Variants in NEBL observed in about 807,000 individuals in gnomAD.
The protein encoded by NEBL is LIM and SH3 protein 2.
In NEBL, 122 loss-of-function variants were observed where a neutral mutation model predicts 140.2. The ratio of observed to expected loss-of-function variants is 0.87; its 90% CI spans 0.75 to 1.01. NEBL has a LOEUF of 1.01. Ranked by LOEUF, NEBL falls within the 50% of genes least tolerant of loss-of-function variation. The pLI is 0.00. For missense variants in NEBL, 1,365 were observed against 1,231.3 expected (o/e 1.11, Z -1.62); for synonymous variants, 436 against 398.9 (o/e 1.09, Z -1.11).
chr10:21,004,387 G>A (rs989239491), intron 3 of NEBL, among the ~76,000 whole-genome samples: 3 of 152,146 alleles, frequency 2.0e-5, no homozygotes, highest in Non-Finnish European at 2.9e-5. Context: ...TTGGGACGAC[G>A]TTCTATGGAA....
At chr10:21,233,879 A>C (rs1389919474) in intron 3 of NEBL, among the ~76,000 whole-genome samples, 3 of 145,258 alleles carry the variant, frequency 2.1e-5, no homozygotes, top group African/African-American at 5.0e-5. Flanking sequence ...ATATATATGC[A>C]TATATAGATA....
intron 1 of NEBL, among the ~76,000 whole-genome samples, chr10:21,269,509 A>T (rs114718600): frequency 0.013 from 1,915 of 152,358 alleles, 45 homozygotes; most frequent in African/African-American, 0.044. Context: ...ATTCCAAAGC[A>T]GGCCAATTTG....
intron 1 of NEBL, among the ~76,000 whole-genome samples, chr10:21,270,578 G>C (rs1314797563): frequency 6.6e-6 from 1 of 152,092 alleles, no homozygotes; most frequent in Non-Finnish European, 1.5e-5. Context: ...ATGTTGGCCA[G>C]GCTGGTCTCG....
upstream of NEBL, among the ~76,000 whole-genome samples, chr10:20,898,352 C>A (rs1033899696): frequency 6.6e-6 from 1 of 151,740 alleles, no homozygotes; most frequent in Non-Finnish European, 1.5e-5. Flanking sequence ...ACTGATGATA[C>A]AAAATACAAA....
At chr10:20,922,461 A>C (rs1337821019) in intron 4 of NEBL, among the ~76,000 whole-genome samples, 1 of 152,210 alleles carries the variant, frequency 6.6e-6, no homozygotes, top group East Asian at 1.9e-4. Context: ...ACCAAAAAGC[A>C]AACTCATCCA....
At chr10:21,164,981 A>G (rs911966784) in intron 2 of NEBL, among the ~76,000 whole-genome samples, 3 of 152,256 alleles carry the variant, frequency 2.0e-5, no homozygotes, top group African/African-American at 7.2e-5. Context: ...ACATGCCACA[A>G]TATCCTTCCA....
chr10:20,796,367 G>GAAAAAAAAAAAAAAAAA (rs57844177), intron 26 of NEBL, among the ~76,000 whole-genome samples: 1 of 51,500 alleles, frequency 1.9e-5, no homozygotes, highest in South Asian at 8.5e-4. Flanking sequence ...TCTAAAACAA[G>GAAAAAAAAAAAAAAAAA]AAAAAAAAAA....
intron 4 of NEBL, among the ~76,000 whole-genome samples, chr10:20,946,611 G>T (rs1439720784): frequency 6.6e-6 from 1 of 152,042 alleles, no homozygotes; most frequent in Non-Finnish European, 1.5e-5. Flanking sequence ...ACAGGTGCAC[G>T]TCACCACACC....
chr10:20,807,697 C>A (rs1447294524), intron 26 of NEBL, among the ~76,000 whole-genome samples: 1 of 152,132 alleles, frequency 6.6e-6, no homozygotes, highest in African/African-American at 2.4e-5. Context: ...AACAATATGG[C>A]CTTTGAGTTG....
rs201168676 is a variant in NEBL, at chr10:20,953,728, C to CA, written c.357+7943dup. On this transcript the variant is annotated intron_variant, in intron 4 of 6. Coordinates refer to the NEBL transcript ENST00000417816. ...AAAGATCGTGTTTATCAAGCAGCAC[C>CA]AAAAAGAAAAGAATCATAAAATTGA... Among the ~76,000 whole-genome samples the CA allele has an allele frequency of 2.7e-3, 408 of 151,474 alleles. 14 individuals are homozygous for CA. The East Asian group carries it at 0.058, about 21-fold the overall frequency.
At chr10:21,133,170 T>G (rs1378731720) in intron 2 of NEBL, among the ~76,000 whole-genome samples, 2 of 152,236 alleles carry the variant, frequency 1.3e-5, no homozygotes, top group Non-Finnish European at 1.5e-5. Flanking sequence ...CCAATTTTAC[T>G]CTTTTACCAG....
At chr10:20,881,382 G>A (rs1846002192) in intron 4 of NEBL, among the ~76,000 whole-genome samples, 1 of 152,180 alleles carries the variant, frequency 6.6e-6, no homozygotes, top group Non-Finnish European at 1.5e-5. Flanking sequence ...AATATAGCAT[G>A]CAGGCAAAAT....
At chr10:21,179,259 A>G (rs1424616576), upstream of NEBL, among the ~76,000 whole-genome samples, 2 of 152,196 alleles carry the variant, frequency 1.3e-5, no homozygotes, top group Non-Finnish European at 2.9e-5. Context: ...TCAGAATCAC[A>G]TAGACCCTGT....
In NEBL at chr10:21,232,138, C is replaced by T. The variant is rs60539049; in HGVS notation, n.348+15783G>A. Among the ~76,000 whole-genome samples the T allele has an allele frequency of 3.8e-3, 568 of 149,896 alleles. 7 individuals are homozygous for T. Among genetic ancestry groups the T allele is most frequent in the East Asian group, 0.033 (166 of 5,076 alleles). On this transcript the variant is annotated intron_variant and non_coding_transcript_variant, in intron 3 of 8. Coordinates refer to the NEBL transcript ENST00000675702. ...TGCCACAGGGTTGTTGTTTTTTTTT[C>T]TCTCTCTCTCTCTTCTTTTTCTCTT...
intron 3 of NEBL, among the ~76,000 whole-genome samples, chr10:21,210,143 G>A (rs1386576728): frequency 6.6e-6 from 1 of 152,142 alleles, no homozygotes; most frequent in African/African-American, 2.4e-5. Flanking sequence ...TCTAATCCCA[G>A]CACTTTGGGA....
At chr10:20,906,035 T>C (rs1848078164) in intron 4 of NEBL, among the ~76,000 whole-genome samples, 1 of 152,230 alleles carries the variant, frequency 6.6e-6, no homozygotes, top group Admixed American at 6.5e-5. Context: ...TTCAGAATAC[T>C]CTTTGTGTAT....
chr10:21,254,795 G>T (rs1842633707), intron 1 of NEBL, among the ~76,000 whole-genome samples: 1 of 151,942 alleles, frequency 6.6e-6, no homozygotes, highest in Non-Finnish European at 1.5e-5. Flanking sequence ...CCCACTAGGG[G>T]CCCCTGTCTG....
upstream of NEBL, among the ~76,000 whole-genome samples, chr10:20,900,057 G>A (rs1847791219): frequency 6.6e-6 from 1 of 152,144 alleles, no homozygotes; most frequent in Non-Finnish European, 1.5e-5. Context: ...CAGCTATCAT[G>A]TTTCAAAATC....
intron 7 of NEBL, 94 bp from the exon 8 acceptor site, chr10:20,859,920 A>G: frequency 1.5e-6 from 1 of 666,468 alleles, no homozygotes; most frequent in Non-Finnish European, 2.6e-6. Context: ...CTTAAAAATG[A>G]ATGTTGCCAA....
Sources: gnomAD v4.1 joint callset for allele counts (sites outside exome capture counted in the v4.1 genomes callset) on GRCh38, gnomAD v4.1.1 for gene constraint, MANE v1.5 for transcripts, NCBI Gene and HGNC (gene_info 2026-07-23, HGNC 2026-07-21) for gene names.